The following ATP8A1 variants were observed in gnomAD, a reference collection of about 807,000 sequenced individuals.
ATP8A1 encodes the protein phospholipid-transporting ATPase IA.
A neutral mutation model predicts 177.7 loss-of-function variants in ATP8A1; 90 were observed. The ratio of observed to expected loss-of-function variants is 0.51; its 90% CI spans 0.43 to 0.60. The LOEUF (loss-of-function observed/expected upper bound fraction) is 0.60, where lower values mean the gene tolerates loss of function less well. Among genes scored for constraint, ATP8A1 ranks in the 20% least tolerant of loss-of-function variants. ATP8A1 has a pLI of 0.00. For missense variants in ATP8A1, 1,072 were observed against 1,392.8 expected (o/e 0.77, Z 3.67); for synonymous variants, 493 against 485.9 (o/e 1.01, Z -0.19).
intron 1 of ATP8A1, among the ~76,000 whole-genome samples, chr4:42,638,500 T>C (rs1739613808): frequency 6.6e-6 from 1 of 152,206 alleles, no homozygotes; most frequent in African/African-American, 2.4e-5. Flanking sequence ...TCACACATAG[T>C]AAACAGTCAA....
chr4:42,452,094 C>A, intron 29 of ATP8A1, 35 bp from the exon 30 acceptor site: 1 of 1,463,544 alleles, frequency 6.8e-7, no homozygotes, highest in Non-Finnish European at 9.6e-7. Flanking sequence ...GAACCATTTG[C>A]GATAAACTAG....
At chr4:42,482,754 C>T (rs1721824741) in intron 25 of ATP8A1, among the ~76,000 whole-genome samples, 1 of 152,160 alleles carries the variant, frequency 6.6e-6, no homozygotes, top group Non-Finnish European at 1.5e-5. Context: ...GACTCATTAT[C>T]TGTTATAGGA....
chr4:42,598,533 T>C lies in ATP8A1; in HGVS notation c.450+1945A>G, dbSNP rs557294417. Among the ~76,000 whole-genome samples the C allele has an allele frequency of 2.0e-5, 3 of 152,288 alleles. No individual in the cohort carries two copies. In the South Asian group the frequency reaches 6.2e-4, roughly 32 times the overall value. The stretch of plus-strand genomic sequence containing the variant: ...ATTTTTGCAAATCAGATGAAAAATT[T>C]AGTCAATTCTTGAGGAAAATATAAT... On this transcript the variant is annotated intron_variant, in intron 6 of 36. Transcript: ENST00000381668.
At chr4:42,428,035 T>A (rs13105200) in intron 33 of ATP8A1, among the ~76,000 whole-genome samples, 85,296 of 152,094 alleles carry the variant, frequency 0.56, 24,189 homozygotes, top group Middle Eastern at 0.69. Context: ...TCCCTCGGTC[T>A]GAATGTTATC....
At chr4:42,590,532 G>A (rs1734060058) in intron 7 of ATP8A1, among the ~76,000 whole-genome samples, 3 of 151,956 alleles carry the variant, frequency 2.0e-5, no homozygotes, top group African/African-American at 7.3e-5. Flanking sequence ...ATATATTAAT[G>A]GTGCACAGGA....
At chr4:42,538,958 A>G (rs1728107159) in intron 20 of ATP8A1, among the ~76,000 whole-genome samples, 2 of 152,184 alleles carry the variant, frequency 1.3e-5, no homozygotes, top group African/African-American at 4.8e-5. Context: ...ACTTGCACAC[A>G]TGTTTATAGC....
At chr4:42,462,342 A>C (rs1719261306) in intron 27 of ATP8A1, among the ~76,000 whole-genome samples, 2 of 152,170 alleles carry the variant, frequency 1.3e-5, no homozygotes, top group Non-Finnish European at 2.9e-5. Context: ...GGCCCAGGGT[A>C]CACTCGTGCT....
At chr4:42,560,071 AAATACTGTGG>A (rs1302427837) in intron 15 of ATP8A1, among the ~76,000 whole-genome samples, 2 of 152,206 alleles carry the variant, frequency 1.3e-5, no homozygotes, top group African/African-American at 4.8e-5. Context: ...TGCTGCTTAA[AAATACTGTGG>A]TGCATTTACA....
chr4:42,420,023 A>AC (rs112970703), intron 35 of ATP8A1, among the ~76,000 whole-genome samples: 57,148 of 151,808 alleles, frequency 0.38, 11,080 homozygotes, highest in African/African-American at 0.45. Flanking sequence ...AAACAAACAA[A>AC]AAAAAAAAAC....
intron 33 of ATP8A1, among the ~76,000 whole-genome samples, chr4:42,429,087 A>C (rs2153169814): frequency 6.6e-6 from 1 of 152,290 alleles, no homozygotes; most frequent in Middle Eastern, 3.4e-3. Flanking sequence ...ACTATGAAAA[A>C]CAGAGCCTGG....
chr4:42,410,413 A>G lies in ATP8A1; in HGVS notation c.*2503T>C, dbSNP rs1712460606. Reference sequence around the variant, plus strand: ...CGTGCCCTTTATTTCAAAAAAACACATGTTAAAAGTCACATTGACTGTTTA... The same window carrying G: ...CGTGCCCTTTATTTCAAAAAAACACGTGTTAAAAGTCACATTGACTGTTTA... On this transcript the variant is annotated 3_prime_UTR_variant, in exon 37 of 37. Transcript: ENST00000381668. 6.6e-6 allele frequency: 1 copy of G among 152,218 alleles called. No individual in the cohort carries two copies. The highest frequency in any genetic ancestry group is 1.5e-5 in the Non-Finnish European group (1 of 68,022). The allele number at this position is 152,218 out of a possible 1,614,324, so 9.4% of individuals were successfully genotyped here.
chr4:42,493,061 C>G (rs1052498487), intron 24 of ATP8A1, among the ~76,000 whole-genome samples: 1 of 152,180 alleles, frequency 6.6e-6, no homozygotes, highest in Non-Finnish European at 1.5e-5. Context: ...ATGCGAATTA[C>G]CAGAGTGTAG....
chr4:42,455,537 A>G lies in ATP8A1; in HGVS notation c.2682T>C (p.Gly894=), dbSNP rs763914267. ...GQILFERWCI[G]LYNVMFTAMP... is the part of the protein sequence containing the mutation. ...GTCCTAAACTTACCACGTTATAGAG[A>G]CCTATACACCATCTTTCAAAGAGGA... Residue 894 remains glycine, a synonymous_variant, in exon 28 of 37, where the codon GGT becomes GGC. Transcript: ENST00000381668. 1 of 1,613,512 alleles carries G rather than the reference A, an allele frequency of 6.2e-7. No homozygotes were observed. The highest frequency in any genetic ancestry group is 2.2e-5 in the East Asian group (1 of 44,886).
intron 16 of ATP8A1, among the ~76,000 whole-genome samples, chr4:42,555,085 GTATC>G (rs200520162): frequency 0.025 from 3,035 of 119,462 alleles, 98 homozygotes; most frequent in Middle Eastern, 0.031. Flanking sequence ...CTTTGTGTGT[GTATC>G]TATCTATCTA....
At chr4:42,514,096 G>C (rs1296789616) in intron 22 of ATP8A1, among the ~76,000 whole-genome samples, 2 of 152,136 alleles carry the variant, frequency 1.3e-5, no homozygotes, top group African/African-American at 4.8e-5. Context: ...TAAACCATTG[G>C]AATGGCTCAT....
At chr4:42,435,450 C>CAAAAAAAAA (rs11306070) in intron 33 of ATP8A1, among the ~76,000 whole-genome samples, 5 of 116,970 alleles carry the variant, frequency 4.3e-5, no homozygotes, top group African/African-American at 1.3e-4. Context: ...AAAAAAAAAA[C>CAAAAAAAAA]AAAAAAAAAA....
intron 1 of ATP8A1, among the ~76,000 whole-genome samples, chr4:42,649,092 TA>T (rs1740834339): frequency 6.6e-6 from 1 of 152,142 alleles, no homozygotes; most frequent in African/African-American, 2.4e-5. Context: ...TACAAAAAGA[TA>T]CAAAGATGCT....
chr4:42,530,382 C>T (rs899367872), intron 20 of ATP8A1, among the ~76,000 whole-genome samples: 11 of 152,242 alleles, frequency 7.2e-5, no homozygotes, highest in African/African-American at 2.7e-4. Flanking sequence ...CTCACTGGAA[C>T]AGACACTTAC....
rs762211337 is a variant in ATP8A1 at position 42,551,189 on chromosome 4, C to G, written c.1602+9G>C. The G allele has an allele frequency of 6.2e-7, 1 of 1,607,804 alleles. No individual in the cohort carries two copies. The highest frequency in any genetic ancestry group is 8.5e-7 in the Non-Finnish European group (1 of 1,174,474). ...GGATTAAAAAGAACCTTAAAAACAA[C>G]TAACTTACTGAATCTATAATCACCG... is the stretch of plus-strand genomic sequence containing the variant. On this transcript the variant is annotated intron_variant, in intron 18 of 36. Coordinates refer to ENST00000381668, the MANE Select transcript of ATP8A1 (RefSeq NM_006095.2).
Sources: gnomAD v4.1 joint callset for allele counts (sites outside exome capture counted in the v4.1 genomes callset) on GRCh38, gnomAD v4.1.1 for gene constraint, MANE v1.5 for transcripts, NCBI Gene and HGNC (gene_info 2026-07-23, HGNC 2026-07-21) for gene names.